CEP250: variants seen among roughly 807,000 people sequenced by gnomAD.
The protein encoded by CEP250 is centrosome-associated protein CEP250.
In CEP250, 242 loss-of-function variants were observed where a neutral mutation model predicts 315.7. The observed-to-expected ratio is 0.77, with a 90% confidence interval of 0.69 to 0.85. CEP250 has a LOEUF of 0.85. Among genes scored for constraint, CEP250 ranks in the 40% least tolerant of loss-of-function variants. CEP250 has a pLI of 0.00. For synonymous variants in CEP250, 1,088 were observed against 1,175.0 expected, an observed-to-expected ratio of 0.93 and a Z score of 1.51; for missense variants, 2,515 against 2,886.4, an observed-to-expected ratio of 0.87 and a Z score of 2.95.
chr20:35,457,978 T>C (rs1289409756), intron 1 of CEP250, among the ~76,000 whole-genome samples: 1 of 152,120 alleles, frequency 6.6e-6, no homozygotes, highest in East Asian at 1.9e-4. Flanking sequence ...CACATGAGAT[T>C]TAAATAAGGA....
In CEP250 at chr20:35,504,059, G is replaced by C. The variant is rs199560794; in HGVS notation, c.5690G>C (p.Arg1897Pro). Residue 1897 changes from arginine to proline, a missense_variant, in exon 30 of 35, where the codon CGG becomes CCG. By Grantham distance (103) the Arg-to-Pro change is moderately radical. Coordinates refer to ENST00000397527, the MANE Select transcript of CEP250 (RefSeq NM_007186.6). ...CTGGGAGACCTAAGGGCTGAGTCTC[G>C]GGAACAGGAGAAAGCTCTGTTGGCC... ...EVLGDLRAES[R>P]EQEKALLALQ... The C allele has an allele frequency of 6.2e-7, 1 of 1,606,048 alleles. No individual in the cohort carries two copies. The highest frequency in any genetic ancestry group is 8.5e-7 in the Non-Finnish European group (1 of 1,175,386).
At chr20:35,462,133 A>AT (rs1213692797) in intron 3 of CEP250, 132 bp from the exon 4 acceptor site, 3 of 350,008 alleles carry the variant, frequency 8.6e-6, no homozygotes, top group Non-Finnish European at 1.0e-5. Flanking sequence ...GGTCAGTTAA[A>AT]TTTGGGGAAT....
chr20:35,475,459 C>A, intron 14 of CEP250, 43 bp from the exon 15 acceptor site: 3 of 1,602,226 alleles, frequency 1.9e-6, no homozygotes, highest in Non-Finnish European at 2.6e-6. Flanking sequence ...GGTTATGGCC[C>A]ATCCCTAAGA....
chr20:35,473,926 T>A lies in CEP250; in HGVS notation c.1445T>A (p.Leu482Gln), dbSNP rs891174973. ...REELRQQLEV[L>Q]EQEAWRLRRV... ...GAGCTGCGGCAGCAGCTGGAGGTGC[T>A]AGAGCAGGAGGCATGGCGCCTGCGA... is the stretch of plus-strand genomic sequence containing the variant. Residue 482 changes from leucine (L) to glutamine (Q), a missense_variant, in exon 14 of 35, where the codon CTA (leucine) becomes CAA (glutamine). By Grantham distance (113) the Leu-to-Gln change is moderately radical (BLOSUM62 -2). Coordinates refer to ENST00000397527, the MANE Select transcript of CEP250 (RefSeq NM_007186.6). 6.8e-6 allele frequency: 11 copies of A among 1,613,162 alleles called. No homozygotes were observed. The highest frequency in any genetic ancestry group is 1.6e-4 in the Middle Eastern group (1 of 6,080).
intron 20 of CEP250, among the ~76,000 whole-genome samples, 181 bp downstream of exon 20, chr20:35,480,326 G>C (rs2063311265): frequency 6.6e-6 from 1 of 152,114 alleles, no homozygotes; most frequent in African/African-American, 2.4e-5. Context: ...AGCATGTGGT[G>C]GGCTCCCTAT....
chr20:35,500,601 C>T (rs1051658914), intron 28 of CEP250, among the ~76,000 whole-genome samples: 2 of 152,094 alleles, frequency 1.3e-5, no homozygotes, highest in Non-Finnish European at 2.9e-5. Context: ...TACCAGGCAG[C>T]GCTGGGGCTG....
At chr20:35,473,170 T>G (rs561806684) in intron 12 of CEP250, among the ~76,000 whole-genome samples, 1 of 152,266 alleles carries the variant, frequency 6.6e-6, no homozygotes, top group East Asian at 1.9e-4. Flanking sequence ...ACTGTACATT[T>G]GGAGATGACG....
chr20:35,477,151 C>T (rs113860259), intron 16 of CEP250, among the ~76,000 whole-genome samples: 1 of 152,154 alleles, frequency 6.6e-6, no homozygotes, highest in Non-Finnish European at 1.5e-5. Flanking sequence ...TCTGGGATTA[C>T]AGGCATGCAC....
At chr20:35,499,279 C>A (rs1205604376) in intron 27 of CEP250, among the ~76,000 whole-genome samples, 10 of 152,084 alleles carry the variant, frequency 6.6e-5, no homozygotes, top group Admixed American at 1.3e-4. Flanking sequence ...CCATCTCAAA[C>A]AAACACAAAA....
At position 35,503,025 on chromosome 20, in the gene CEP250, G is replaced by A. The variant is rs2147154961; in HGVS notation, c.4656G>A (p.Leu1552=). The A allele has an allele frequency of 4.3e-6, 7 of 1,614,154 alleles. No homozygotes were observed. The highest frequency in any genetic ancestry group is 5.1e-6 in the Non-Finnish European group (6 of 1,180,034). Residue 1552 remains leucine (L), a synonymous_variant, in exon 30 of 35, where the codon TTG becomes TTA. Coordinates refer to ENST00000397527, the MANE Select transcript of CEP250 (RefSeq NM_007186.6). The surrounding 1 kb of genome is among the most constrained non-coding windows in gnomAD (Gnocchi z 4.2). The stretch of plus-strand genomic sequence containing the variant: ...AGGTTCAGGACCTGAAAAAGCAGTT[G>A]GTTACTCTGGAATGCCTGGCCCTGG... ...RGQVQDLKKQ[L]VTLECLALEL...
At chr20:35,505,370 G>A (rs934029073) in intron 30 of CEP250, among the ~76,000 whole-genome samples, 2 of 152,120 alleles carry the variant, frequency 1.3e-5, no homozygotes, top group African/African-American at 4.8e-5. Flanking sequence ...GATTAGACCT[G>A]GGCCAGGCAC....
rs535897032 is a variant in CEP250, at chr20:35,498,030, G to C, written c.3618G>C (p.Gly1206=). The change falls in exon 26 of 35, where the codon GGG becomes GGC. Residue 1206 remains glycine (G), a synonymous_variant. Transcript: ENST00000397527. The part of the protein sequence containing the change: ...VCESRPELSG[G]GDSAPSVWGL... ...AGAGCAGGCCTGAGCTGAGTGGTGG[G>C]GGAGACTCTGCTCCTTCCGTCTGGG... is the stretch of plus-strand genomic sequence containing the variant. 3 of 1,597,504 alleles carry C rather than the reference G, an allele frequency of 1.9e-6. No homozygotes were observed. The highest frequency in any genetic ancestry group is 2.2e-5 in the South Asian group (2 of 90,592).
intron 20 of CEP250, 37 bp from the exon 21 acceptor site, chr20:35,490,600 C>G (rs1471101546): frequency 6.3e-7 from 1 of 1,593,500 alleles, no homozygotes; most frequent in Non-Finnish European, 8.5e-7. Flanking sequence ...CCCTCCTCAC[C>G]CATTTGGTTC....
At chr20:35,479,852 A>T (rs2063293140) in intron 19 of CEP250, 79 bp downstream of exon 19, 1 of 1,605,144 alleles carries the variant, frequency 6.2e-7, no homozygotes, top group East Asian at 2.2e-5. Flanking sequence ...AGACTATTAG[A>T]GGTCCTTCTC....
At chr20:35,495,632 T>TA (rs1471983291) in intron 24 of CEP250, among the ~76,000 whole-genome samples, 6 of 152,282 alleles carry the variant, frequency 3.9e-5, no homozygotes, top group Non-Finnish European at 8.8e-5. Context: ...GTGCCTGTAA[T>TA]GCCAGCTACT....
rs1213364534 is a variant in CEP250, at chr20:35,511,466, G to A, written c.7169G>A (p.Ser2390Asn). The A allele has an allele frequency of 1.5e-5, 24 of 1,613,970 alleles. No individual in the cohort carries two copies. Among genetic ancestry groups the A allele is most frequent in the Non-Finnish European group, 1.9e-5 (22 of 1,180,028 alleles). Residue 2390 changes from serine to asparagine, a missense_variant, in exon 35 of 35, where the codon AGC (serine) becomes AAC (asparagine). By Grantham distance (46) the Ser-to-Asn change is conservative. Transcript: ENST00000397527. ...TSRELAGLHH[S>N]LSHSLLAVAQ... is the part of the protein sequence containing the mutation. ...CGTGAGCTAGCAGGCCTGCACCACA[G>A]CCTCTCACACTCACTTCTTGCCGTG...
In CEP250 at chr20:35,509,053, A is replaced by G; in HGVS notation, c.7008+9A>G. The G allele has an allele frequency of 6.4e-7, 1 of 1,550,890 alleles. No homozygotes were observed. ...CTTCACCCACACAGCAGGTTTACTCATTTTCCTCAGCTGCAGCCTTAGAGA... is the reference window on the plus strand; with the variant it reads ...CTTCACCCACACAGCAGGTTTACTCGTTTTCCTCAGCTGCAGCCTTAGAGA... On this transcript the variant is annotated intron_variant, in intron 33 of 34. Coordinates refer to ENST00000397527, the MANE Select transcript of CEP250 (RefSeq NM_007186.6).
chr20:35,488,075 C>T (rs2063568794), intron 20 of CEP250, among the ~76,000 whole-genome samples: 1 of 152,236 alleles, frequency 6.6e-6, no homozygotes, highest in African/African-American at 2.4e-5. Flanking sequence ...TTACTCATGT[C>T]CCAGTGGTGT....
intron 10 of CEP250, chr20:35,470,249 T>G: frequency 2.1e-6 from 1 of 486,258 alleles, no homozygotes; most frequent in South Asian, 3.8e-5. Flanking sequence ...ACCAGAGAAT[T>G]GGCACATACA....
Sources: allele counts gnomAD v4.1 joint callset (sites outside exome capture counted in the v4.1 genomes callset), GRCh38; gene constraint gnomAD v4.1.1; non-coding constraint Gnocchi (gnomAD v3.1); transcripts MANE v1.5; gene names NCBI Gene and HGNC (gene_info 2026-07-23, HGNC 2026-07-21).